FOXP2: variants seen among roughly 807,000 people sequenced by gnomAD.
The protein encoded by FOXP2 is forkhead box P2.
Under a neutral mutation model 115.8 loss-of-function variants are expected in FOXP2, and 12 were observed. The observed-to-expected ratio is 0.10, with a 90% CI of 0.07 to 0.17. The LOEUF is 0.17. Among genes scored for constraint, FOXP2 ranks in the 10% least tolerant of loss-of-function variants. The pLI, the probability that FOXP2 is intolerant of heterozygous loss-of-function variation, is 1.00. For missense variants in FOXP2, 629 were observed against 843.5 expected, an observed-to-expected ratio of 0.75 and a Z score of 3.15; for synonymous variants, 328 against 297.7, an observed-to-expected ratio of 1.10 and a Z score of -1.05.
At chr7:114,402,326 G>A (rs1792905917) in intron 2 of FOXP2, among the ~76,000 whole-genome samples, 1 of 152,040 alleles carries the variant, frequency 6.6e-6, no homozygotes. Flanking sequence ...AATGAAAGTA[G>A]AAGGATTTAA....
At chr7:114,123,351 C>CA (rs35721597) in intron 1 of FOXP2, among the ~76,000 whole-genome samples, 24,098 of 78,064 alleles carry the variant, frequency 0.31, 2,880 homozygotes, top group Middle Eastern at 0.47. Context: ...AAAGCCCTGT[C>CA]AAAAAAAAAA....
chr7:114,157,803 AATG>A (rs1792708877), intron 1 of FOXP2, among the ~76,000 whole-genome samples: 1 of 152,132 alleles, frequency 6.6e-6, no homozygotes. Flanking sequence ...CTGTAAAGAT[AATG>A]ATGAGAGGGA....
At chr7:114,361,138 A>T (rs915012973) in intron 2 of FOXP2, among the ~76,000 whole-genome samples, 48 of 152,172 alleles carry the variant, frequency 3.2e-4, no homozygotes, top group Non-Finnish European at 1.9e-4. Context: ...CTCATCAGAG[A>T]AATATTAGGG....
chr7:114,465,499 A>G (rs1473630501), intron 2 of FOXP2, among the ~76,000 whole-genome samples: 2 of 152,220 alleles, frequency 1.3e-5, no homozygotes, highest in Admixed American at 1.3e-4. Flanking sequence ...GAGAACCAAT[A>G]AAGTCTAAGC....
intron 1 of FOXP2, chr7:114,419,840 C>T (rs1420754491): frequency 1.3e-5 from 2 of 151,838 alleles, no homozygotes; most frequent in Non-Finnish European, 2.9e-5. Flanking sequence ...CTTACCATTG[C>T]ATCCACCTGC....
intron 1 of FOXP2, among the ~76,000 whole-genome samples, chr7:114,282,281 A>G (rs1796359577): frequency 1.3e-5 from 2 of 152,318 alleles, no homozygotes; most frequent in South Asian, 4.1e-4. Flanking sequence ...ATTATGTTTT[A>G]TTAAGGTATA....
At chr7:114,686,006 G>A (rs150043207) in intron 16 of FOXP2, among the ~76,000 whole-genome samples, 118 of 150,824 alleles carry the variant, frequency 7.8e-4, no homozygotes, top group Admixed American at 1.8e-3. Flanking sequence ...AATGTGAACC[G>A]TCTTCACCAT....
Position 114,401,184 on chromosome 7 carries a change from A to C in FOXP2, c.-10-25318A>C, listed in dbSNP as rs535728749. On this transcript the variant is annotated intron_variant, in intron 2 of 17. Transcript: ENST00000634411. ...GGGCTTGCACAGATGGGCCTAGAAG[A>C]AGCTTCATAGCCTGACTAATGTTTG... Among the ~76,000 whole-genome samples the C allele has an allele frequency of 3.9e-5, 6 of 152,238 alleles. No individual in the cohort carries two copies. In the East Asian group the frequency reaches 1.2e-3, roughly 29 times the overall value.
At chr7:114,258,037 A>G (rs1049641471) in intron 1 of FOXP2, among the ~76,000 whole-genome samples, 1 of 152,218 alleles carries the variant, frequency 6.6e-6, no homozygotes, top group Non-Finnish European at 1.5e-5. Flanking sequence ...TATTATAGGA[A>G]TTTGGGAAGA....
intron 2 of FOXP2, among the ~76,000 whole-genome samples, chr7:114,494,864 T>C (rs978430066): frequency 1.3e-5 from 2 of 152,204 alleles, no homozygotes; most frequent in Non-Finnish European, 2.9e-5. Context: ...TTAACTTCTC[T>C]TAAAATTCTG....
rs1215638382 is a variant in FOXP2, at chr7:114,629,900, G to GCAACAACAGCAGCAGCAACAA, written c.501_521dup (p.Gln185_Gln191dup). 1.9e-6 allele frequency: 3 copies of GCAACAACAGCAGCAGCAACAA among 1,610,256 alleles called. No individual in the cohort carries two copies. The East Asian group carries it at 6.7e-5, about 36-fold the overall frequency. ...AACAGCAGCAGCAGCAACAACAGCA[G>GCAACAACAGCAGCAGCAACAA]CAACAACAGCAGCAGCAACAACAAC... On this transcript the variant is annotated inframe_insertion, in exon 5 of 17. Transcript: ENST00000350908.
chr7:114,441,273 C>T (rs546235487), intron 2 of FOXP2, among the ~76,000 whole-genome samples: 5 of 152,070 alleles, frequency 3.3e-5, no homozygotes, highest in African/African-American at 1.2e-4. Context: ...CATGGTGAAA[C>T]CTCGTCTCTA....
chr7:114,533,646 G>T (rs1799243710), intron 2 of FOXP2, among the ~76,000 whole-genome samples: 1 of 151,836 alleles, frequency 6.6e-6, no homozygotes, highest in Non-Finnish European at 1.5e-5. Flanking sequence ...TTAGGCCAAT[G>T]ATTTAGTTTA....
intron 2 of FOXP2, among the ~76,000 whole-genome samples, chr7:114,309,965 G>A (rs1275020221): frequency 6.6e-6 from 1 of 151,888 alleles, no homozygotes. Flanking sequence ...GCACCTGGTG[G>A]GAGGTGTCTT....
At chr7:114,334,381 TAA>T (rs5886700) in intron 2 of FOXP2, among the ~76,000 whole-genome samples, 282 of 146,110 alleles carry the variant, frequency 1.9e-3, no homozygotes, top group Non-Finnish European at 1.8e-3. Context: ...ACTTCTGAGC[TAA>T]AAAAAAAAAA....
intron 2 of FOXP2, among the ~76,000 whole-genome samples, chr7:114,290,534 A>G (rs1248015079): frequency 6.6e-6 from 1 of 152,080 alleles, no homozygotes; most frequent in Non-Finnish European, 1.5e-5. Context: ...ATTAGGTATC[A>G]TATGAAAAAT....
chr7:114,618,319 A>T (rs1257339658), intron 3 of FOXP2, among the ~76,000 whole-genome samples: 1 of 152,236 alleles, frequency 6.6e-6, no homozygotes, highest in African/African-American at 2.4e-5. Context: ...CTAGATATAA[A>T]ATTAAAATAA....
chr7:114,489,032 T>G (rs1796916990), intron 2 of FOXP2, among the ~76,000 whole-genome samples: 1 of 152,164 alleles, frequency 6.6e-6, no homozygotes, highest in South Asian at 2.1e-4. Flanking sequence ...AAAACAGATG[T>G]TATATCTATT....
intron 2 of FOXP2, among the ~76,000 whole-genome samples, chr7:114,393,261 C>A (rs1191799806): frequency 2.0e-5 from 3 of 152,136 alleles, no homozygotes; most frequent in Non-Finnish European, 2.9e-5. Flanking sequence ...GACTCCTCAT[C>A]TCCCCTTCTA....
Sources: gnomAD v4.1 joint callset for allele counts (sites outside exome capture counted in the v4.1 genomes callset) on GRCh38, gnomAD v4.1.1 for gene constraint, MANE v1.5 for transcripts, NCBI Gene and HGNC (gene_info 2026-07-23, HGNC 2026-07-21) for gene names.